Variants in DSCAML1 observed in about 807,000 individuals in gnomAD.
DSCAML1 encodes cell adhesion molecule DSCAML1.
Under a neutral mutation model 200.5 loss-of-function variants are expected in DSCAML1, and 38 were observed. The observed-to-expected ratio is 0.19, with a 90% CI of 0.15 to 0.25. The LOEUF (loss-of-function observed/expected upper bound fraction) is 0.25. DSCAML1 is among the 10% of genes least tolerant of loss of function. The pLI, the probability that DSCAML1 is intolerant of heterozygous loss-of-function variation, is 1.00. For missense variants in DSCAML1, 2,223 were observed against 2,858.8 expected, an observed-to-expected ratio of 0.78 and a Z score of 5.07; for synonymous variants, 1,215 against 1,165.0, an observed-to-expected ratio of 1.04 and a Z score of -0.87.
intron 3 of DSCAML1, among the ~76,000 whole-genome samples, chr11:117,680,217 G>A (rs1294163336): frequency 1.3e-5 from 2 of 152,088 alleles, no homozygotes; most frequent in Non-Finnish European, 2.9e-5. Context: ...CATGCAAATG[G>A]GACCCCCAAC....
chr11:117,801,674 T>C (rs2055660393), upstream of DSCAML1: 1 of 152,236 alleles, frequency 6.6e-6, no homozygotes, highest in Admixed American at 6.5e-5. Flanking sequence ...TAGGTATGCT[T>C]GCCACTTACT....
chr11:117,561,049 A>C (rs571120073), intron 3 of DSCAML1, among the ~76,000 whole-genome samples: 109 of 152,210 alleles, frequency 7.2e-4, no homozygotes, highest in African/African-American at 2.4e-3. Context: ...TGAGCAGGAG[A>C]GCTCAGGCTG....
chr11:117,621,719 C>A (rs1225723044), intron 3 of DSCAML1, among the ~76,000 whole-genome samples: 1 of 152,164 alleles, frequency 6.6e-6, no homozygotes, highest in East Asian at 1.9e-4. Context: ...CTGTTTTATG[C>A]AAGTTGTACA....
At chr11:117,593,498 T>C (rs1414197764) in intron 3 of DSCAML1, among the ~76,000 whole-genome samples, 1 of 152,198 alleles carries the variant, frequency 6.6e-6, no homozygotes, top group Admixed American at 6.5e-5. Flanking sequence ...ACAGGCTGCC[T>C]GTCTGCCACC....
intron 3 of DSCAML1, among the ~76,000 whole-genome samples, chr11:117,670,142 G>A (rs1474116323): frequency 1.3e-5 from 2 of 152,138 alleles, no homozygotes; most frequent in Non-Finnish European, 2.9e-5. Context: ...TATACTGTGG[G>A]GGCACCTAGG....
At chr11:117,758,858 C>A (rs559348082) in intron 3 of DSCAML1, among the ~76,000 whole-genome samples, 1 of 152,118 alleles carries the variant, frequency 6.6e-6, no homozygotes, top group Non-Finnish European at 1.5e-5. Context: ...CCCAACTATG[C>A]GTTTGCTTGC....
At chr11:117,748,614 C>T (rs1345394338) in intron 3 of DSCAML1, among the ~76,000 whole-genome samples, 1 of 152,188 alleles carries the variant, frequency 6.6e-6, no homozygotes, top group Non-Finnish European at 1.5e-5. Context: ...GGGCTCAGTC[C>T]TCTTTCGCCT....
intron 3 of DSCAML1, among the ~76,000 whole-genome samples, chr11:117,548,496 T>C (rs1231186012): frequency 1.3e-5 from 2 of 152,140 alleles, no homozygotes; most frequent in African/African-American, 2.4e-5. Flanking sequence ...GAACCTTCTC[T>C]CCCTTTCCAG....
intron 19 of DSCAML1, among the ~76,000 whole-genome samples, chr11:117,451,742 G>A (rs143222958): frequency 2.1e-3 from 317 of 151,944 alleles, no homozygotes; most frequent in African/African-American, 7.4e-3. Context: ...TTGAACACAG[G>A]AGGCGGAGGT....
chr11:117,606,902 G>T (rs984163682), intron 3 of DSCAML1, among the ~76,000 whole-genome samples: 2 of 152,216 alleles, frequency 1.3e-5, no homozygotes, highest in Non-Finnish European at 2.9e-5. Context: ...ATTTGGATAG[G>T]AAACTAGACA....
Position 117,525,349 on chromosome 11 carries a change from G to A in DSCAML1, c.659-266C>T, listed in dbSNP as rs114296214. Among the ~76,000 whole-genome samples, 1,044 of 152,314 alleles carry A rather than the reference G, an allele frequency of 6.9e-3. 11 individuals are homozygous for A. The highest frequency in any genetic ancestry group is 0.023 in the African/African-American group (954 of 41,568). Reference sequence around the variant, plus strand: ...GGATATGATGGAGTTCGGGACTAGAGTGACAGACAGAGAGACAGATGGAAG... The same window carrying A: ...GGATATGATGGAGTTCGGGACTAGAATGACAGACAGAGAGACAGATGGAAG... On this transcript the variant is annotated intron_variant, in intron 4 of 32. Coordinates refer to ENST00000651296, the MANE Select transcript of DSCAML1 (RefSeq NM_020693.4).
At chr11:117,700,214 T>C (rs2053644004) in intron 3 of DSCAML1, among the ~76,000 whole-genome samples, 1 of 152,216 alleles carries the variant, frequency 6.6e-6, no homozygotes, top group African/African-American at 2.4e-5. Flanking sequence ...AACAGTGCTC[T>C]ACAATGTTCC....
intron 3 of DSCAML1, among the ~76,000 whole-genome samples, chr11:117,734,337 G>C (rs377556798): frequency 6.6e-6 from 1 of 152,184 alleles, no homozygotes; most frequent in South Asian, 2.1e-4. Context: ...AAAAGGTGGG[G>C]AGAGATGGGT....
chr11:117,650,708 T>TGTGC (rs2052615714), intron 3 of DSCAML1, among the ~76,000 whole-genome samples: 1 of 124,756 alleles, frequency 8.0e-6, no homozygotes, highest in South Asian at 2.5e-4. Flanking sequence ...TGTGCGTGTG[T>TGTGC]GTGTGTGGTG....
intron 3 of DSCAML1, among the ~76,000 whole-genome samples, chr11:117,738,771 C>T (rs1034726655): frequency 6.6e-6 from 1 of 152,168 alleles, no homozygotes; most frequent in African/African-American, 2.4e-5. Flanking sequence ...TCTGGAGCCA[C>T]AGTGCAGGTT....
chr11:117,665,992 G>A (rs2137657240), intron 3 of DSCAML1, among the ~76,000 whole-genome samples: 1 of 152,338 alleles, frequency 6.6e-6, no homozygotes, highest in Admixed American at 6.5e-5. Flanking sequence ...TTGCCTGCGT[G>A]AGGATTGAGG....
rs1054206291 is a variant in DSCAML1 at position 117,505,089 on chromosome 11, A to G, written c.2063-46T>C. The G allele has an allele frequency of 8.8e-6, 14 of 1,591,778 alleles. No individual in the cohort carries two copies. Among genetic ancestry groups the G allele is most frequent in the Non-Finnish European group, 1.2e-5 (14 of 1,165,148 alleles). On this transcript the variant is annotated intron_variant, in intron 9 of 32. Transcript: ENST00000651296. The surrounding 1 kb of genome is among the most constrained non-coding windows in gnomAD (Gnocchi z 6.7). ...GGGAAACAGACCATTTTAGTCTCTG[A>G]TGGGTCTCCTAGGGCTTCGAGCACC...
At chr11:117,714,826 GAAAAAA>G (rs1555201520) in intron 3 of DSCAML1, among the ~76,000 whole-genome samples, 1 of 115,552 alleles carries the variant, frequency 8.7e-6, no homozygotes, top group Non-Finnish European at 1.7e-5. Flanking sequence ...TCATCTTGAG[GAAAAAA>G]AAAAAAAAAA....
In DSCAML1 at chr11:117,437,493, C is replaced by T; in HGVS notation, c.4433-84G>A. On this transcript the variant is annotated intron_variant, in intron 25 of 32. Transcript: ENST00000651296. The surrounding 1 kb of genome is among the most constrained non-coding windows in gnomAD (Gnocchi z 5.3). ...CTGGGCTGGGCTGGAAAGGATTTCC[C>T]TGGGGCAGCTGGGATGGCAGTGGCT... 1 of 1,479,094 alleles carries T rather than the reference C, an allele frequency of 6.8e-7. No homozygotes were observed. The highest frequency in any genetic ancestry group is 2.3e-5 in the East Asian group (1 of 43,912). The allele number at this position is 1,479,094 out of a possible 1,614,324, so 91.6% of individuals were successfully genotyped here.
Sources: allele counts gnomAD v4.1 joint callset (sites outside exome capture counted in the v4.1 genomes callset), GRCh38; gene constraint gnomAD v4.1.1; non-coding constraint Gnocchi (gnomAD v3.1); transcripts MANE v1.5; gene names NCBI Gene and HGNC (gene_info 2026-07-23, HGNC 2026-07-21).